Variants in FARS2 observed in about 807,000 individuals in gnomAD.
The protein encoded by FARS2 is phenylalanyl-tRNA synthetase 2, mitochondrial.
Under a neutral mutation model 46.4 loss-of-function variants are expected in FARS2, and 40 were observed. The ratio of observed to expected loss-of-function variants is 0.86; its 90% CI spans 0.67 to 1.12. The LOEUF (loss-of-function observed/expected upper bound fraction) is 1.12, where lower values mean the gene tolerates loss of function less well. Among genes scored for constraint, FARS2 ranks in the 50% most tolerant of loss-of-function variants. The probability of loss-of-function intolerance (pLI) is 0.00; values close to 1 mark genes in which losing one functional copy is unlikely to be tolerated. For missense variants in FARS2, 513 were observed against 567.9 expected (o/e 0.90, Z 0.98); for synonymous variants, 234 against 214.9 (o/e 1.09, Z -0.78).
At chr6:5,647,962 T>C (rs977168642) in intron 6 of FARS2, among the ~76,000 whole-genome samples, 2 of 152,198 alleles carry the variant, frequency 1.3e-5, no homozygotes, top group African/African-American at 4.8e-5. Flanking sequence ...GTCCTTCACT[T>C]TCCTGATCTG....
At chr6:5,595,920 C>T (rs1481452963) in intron 5 of FARS2, among the ~76,000 whole-genome samples, 4 of 152,134 alleles carry the variant, frequency 2.6e-5, no homozygotes, top group South Asian at 2.1e-4. Context: ...TGAGTGACCT[C>T]CCCCTTAGAC....
intron 6 of FARS2, among the ~76,000 whole-genome samples, chr6:5,642,987 C>T (rs1031933222): frequency 6.6e-6 from 1 of 152,180 alleles, no homozygotes; most frequent in African/African-American, 2.4e-5. Flanking sequence ...GACATCTGGA[C>T]GTGAACACAG....
chr6:5,305,880 A>T (rs1348621801), intron 1 of FARS2, among the ~76,000 whole-genome samples: 1 of 152,230 alleles, frequency 6.6e-6, no homozygotes, highest in African/African-American at 2.4e-5. Context: ...AGATGGGGGT[A>T]TGAAGATTTA....
At chr6:5,670,747 T>G (rs1342823385) in intron 6 of FARS2, among the ~76,000 whole-genome samples, 8 of 152,128 alleles carry the variant, frequency 5.3e-5, no homozygotes, top group African/African-American at 1.9e-4. Flanking sequence ...TTTTTTTAAA[T>G]AAGCACACTT....
At chr6:5,731,478 C>T (rs965295397) in intron 6 of FARS2, among the ~76,000 whole-genome samples, 1 of 152,200 alleles carries the variant, frequency 6.6e-6, no homozygotes, top group Non-Finnish European at 1.5e-5. Context: ...GCACTCACGC[C>T]CTGGGCTCCT....
intron 6 of FARS2, among the ~76,000 whole-genome samples, chr6:5,626,101 G>C (rs1776017385): frequency 6.6e-6 from 1 of 152,180 alleles, no homozygotes; most frequent in African/African-American, 2.4e-5. Context: ...AAGCAAGGTA[G>C]AATGTTCCAT....
At chr6:5,252,649 T>C in the FARS2 span, among the ~76,000 whole-genome samples, 2 of 152,232 alleles carry the variant, frequency 1.3e-5, no homozygotes, top group Non-Finnish European at 2.9e-5. Context: ...ATCCTAATTT[T>C]CCAGCCTGTT....
In FARS2 at chr6:5,595,166, A is replaced by G. The variant is rs185823434; in HGVS notation, c.1066-18003A>G. Among the ~76,000 whole-genome samples the G allele has an allele frequency of 1.8e-4, 28 of 152,290 alleles. No individual in the cohort carries two copies. In the East Asian group the frequency reaches 5.4e-3, roughly 29 times the overall value. The stretch of plus-strand genomic sequence containing the variant: ...TCTGTCTTGTAGCTTTGAGCCCTGC[A>G]CTTTTTCTTCTTGTTTCTTCCTCTC... On this transcript the variant is annotated intron_variant, in intron 5 of 6. Coordinates refer to ENST00000274680, the MANE Select transcript of FARS2 (RefSeq NM_006567.5).
chr6:5,334,955 T>C (rs1771054963), intron 1 of FARS2, among the ~76,000 whole-genome samples: 1 of 152,190 alleles, frequency 6.6e-6, no homozygotes, highest in Non-Finnish European at 1.5e-5. Context: ...AGGCAAGCCC[T>C]GTTTTGAGAA....
intron 1 of FARS2, among the ~76,000 whole-genome samples, chr6:5,341,336 C>A (rs571488241): frequency 7.1e-6 from 1 of 141,834 alleles, no homozygotes; most frequent in African/African-American, 2.6e-5. Flanking sequence ...ACAGCTCCCC[C>A]CTCCCTCATC....
chr6:5,584,550 C>T (rs1011838658), intron 5 of FARS2, among the ~76,000 whole-genome samples: 1 of 151,846 alleles, frequency 6.6e-6, no homozygotes, highest in Non-Finnish European at 1.5e-5. Flanking sequence ...TCCCCTCTTC[C>T]CTCTCTCCTT....
At chr6:5,267,380 C>G (rs1236822940) in intron 1 of FARS2, among the ~76,000 whole-genome samples, 1 of 152,106 alleles carries the variant, frequency 6.6e-6, no homozygotes, top group African/African-American at 2.4e-5. Flanking sequence ...GTTAATCAAA[C>G]TAGCTACAGC....
chr6:5,702,232 A>G lies in FARS2; in HGVS notation c.1218-69059A>G, dbSNP rs1285129831. 3.9e-5 allele frequency among the ~76,000 whole-genome samples: 6 copies of G among 152,324 alleles called. No individual in the cohort carries two copies. In the South Asian group the frequency reaches 1.2e-3, roughly 32 times the overall value. On this transcript the variant is annotated intron_variant, in intron 6 of 6. Coordinates refer to ENST00000274680, the MANE Select transcript of FARS2 (RefSeq NM_006567.5). Reference sequence around the variant, plus strand: ...AAATGAGCAACAGCAAGGGAAAAACACATTTTAGTATTTTTCTCCCTGTTA... The same window carrying G: ...AAATGAGCAACAGCAAGGGAAAAACGCATTTTAGTATTTTTCTCCCTGTTA...
intron 5 of FARS2, among the ~76,000 whole-genome samples, chr6:5,582,592 C>G (rs1471946050): frequency 6.6e-6 from 1 of 152,158 alleles, no homozygotes; most frequent in Non-Finnish European, 1.5e-5. Flanking sequence ...AAAAGCCAGT[C>G]ACTTATTAAA....
At chr6:5,709,615 G>C (rs954080228) in intron 6 of FARS2, among the ~76,000 whole-genome samples, 1 of 151,918 alleles carries the variant, frequency 6.6e-6, no homozygotes, top group South Asian at 2.1e-4. Flanking sequence ...AAGATCGGAA[G>C]ACAATGACAT....
intron 2 of FARS2, among the ~76,000 whole-genome samples, chr6:5,394,170 A>G (rs1441558567): frequency 6.6e-6 from 1 of 152,246 alleles, no homozygotes; most frequent in Non-Finnish European, 1.5e-5. Flanking sequence ...ATGTACATAC[A>G]CGCACACAGT....
chr6:5,411,281 TAAAAC>T (rs146746037), intron 3 of FARS2, among the ~76,000 whole-genome samples: 8 of 151,886 alleles, frequency 5.3e-5, no homozygotes, highest in South Asian at 2.1e-4. Flanking sequence ...CCTGTCTCTT[TAAAAC>T]AAAACAAAAC....
intron 3 of FARS2, among the ~76,000 whole-genome samples, chr6:5,409,317 G>A (rs915672208): frequency 9.9e-5 from 15 of 152,208 alleles, no homozygotes; most frequent in Non-Finnish European, 1.9e-4. Flanking sequence ...TGGGCGTGGT[G>A]GCACACGCCT....
chr6:5,350,100 G>A lies in FARS2; in HGVS notation c.-21-18450G>A, dbSNP rs536121813. Reference sequence around the variant, plus strand: ...TTCTTTACTATTCCCTTTGGAATCAGCAAGGTTTGTTCGTTCGTTCTTTCT... The same window carrying A: ...TTCTTTACTATTCCCTTTGGAATCAACAAGGTTTGTTCGTTCGTTCTTTCT... On this transcript the variant is annotated intron_variant, in intron 1 of 6. Coordinates refer to ENST00000274680, the MANE Select transcript of FARS2 (RefSeq NM_006567.5). Among the ~76,000 whole-genome samples, 16 of 151,636 alleles carry A rather than the reference G, an allele frequency of 1.1e-4. No homozygotes were observed. In the South Asian group the frequency reaches 3.1e-3, roughly 30 times the overall value.
Sources: allele counts gnomAD v4.1 joint callset (sites outside exome capture counted in the v4.1 genomes callset), GRCh38; gene constraint gnomAD v4.1.1; transcripts MANE v1.5; gene names NCBI Gene and HGNC (gene_info 2026-07-23, HGNC 2026-07-21).